Variants in FAT2 observed in about 807,000 individuals in gnomAD.
The protein encoded by FAT2 is protocadherin Fat 2.
FAT2 carries 150 observed loss-of-function variants against 295.3 expected under a neutral mutation model. The observed-to-expected ratio is 0.51, with a 90% CI of 0.44 to 0.58. The LOEUF (loss-of-function observed/expected upper bound fraction) is 0.58, where lower values mean the gene tolerates loss of function less well. FAT2 is among the 20% of genes least tolerant of loss of function. The pLI is 0.00. For missense variants in FAT2, 4,868 were observed against 5,442.7 expected, an observed-to-expected ratio of 0.89 and a Z score of 3.32; for synonymous variants, 2,026 against 2,150.3, an observed-to-expected ratio of 0.94 and a Z score of 1.60.
At chr5:151,571,685 C>T (rs1420017912) in intron 1 of FAT2, among the ~76,000 whole-genome samples, 1 of 152,240 alleles carries the variant, frequency 6.6e-6, no homozygotes, top group Non-Finnish European at 1.5e-5. Context: ...ACAGCTGTTT[C>T]CTGGCCCCAG....
At position 151,565,572 on chromosome 5, in the gene FAT2, G is replaced by T. The variant is rs1321737245; in HGVS notation, c.3259+101C>A. ...TATTTATTGCCTTTCATTTCAGCCT[G>T]CAGGCTGACTCCTTTTTCCTTCAGC... On this transcript the variant is annotated intron_variant, in intron 2 of 23. Transcript: ENST00000261800. 2.5e-6 allele frequency: 3 copies of T among 1,215,720 alleles called. No homozygotes were observed. The Admixed American group carries it at 9.2e-5, about 37-fold the overall frequency. 75.3% of individuals were successfully genotyped at this position (1,215,720 alleles called of 1,614,324 possible). A position where few individuals can be genotyped will look rare whatever the true frequency, so the allele number is the denominator to read the frequency against.
At chr5:151,526,217 C>T (rs1367079276) in intron 17 of FAT2, among the ~76,000 whole-genome samples, 1 of 152,106 alleles carries the variant, frequency 6.6e-6, no homozygotes, top group African/African-American at 2.4e-5. Flanking sequence ...CAGGAAGGAT[C>T]CTTAGAGAAC....
chr5:151,580,821 G>A (rs72798386), intron 1 of FAT2, among the ~76,000 whole-genome samples: 21 of 152,280 alleles, frequency 1.4e-4, no homozygotes, highest in Non-Finnish European at 2.8e-4. Flanking sequence ...TACATCTCCC[G>A]ATCTTTTATG....
At chr5:151,510,414 A>C in intron 21 of FAT2, 1 of 459,164 alleles carries the variant, frequency 2.2e-6, no homozygotes, top group South Asian at 2.7e-5. Flanking sequence ...GAACAGTAAT[A>C]AACAGGATAA....
At chr5:151,533,992 G>T (rs1046085349) in intron 13 of FAT2, among the ~76,000 whole-genome samples, 1 of 152,118 alleles carries the variant, frequency 6.6e-6, no homozygotes, top group African/African-American at 2.4e-5. Flanking sequence ...TCACTCTTCA[G>T]AAAATTGATC....
rs2127641497 is a variant in FAT2, at chr5:151,563,362, C to G, written c.3537G>C (p.Gly1179=). 6.2e-7 allele frequency: 1 copy of G among 1,614,156 alleles called. No individual in the cohort carries two copies. Among genetic ancestry groups the G allele is most frequent in the Non-Finnish European group, 8.5e-7 (1 of 1,180,002 alleles). ...KGKLTFNITS[G]NYMGFFMIHP... ...GAATCATAAAGAATCCCATGTAGTT[C>G]CCACTGGTGATGTTGAAGGTCAGCT... The change falls in exon 3 of 24, where the codon GGG becomes GGC. Residue 1179 remains glycine, a synonymous_variant. Coordinates refer to ENST00000261800, the MANE Select transcript of FAT2 (RefSeq NM_001447.3).
At chr5:151,548,355 CATT>C (rs1295185085) in intron 9 of FAT2, among the ~76,000 whole-genome samples, 8 of 151,792 alleles carry the variant, frequency 5.3e-5, no homozygotes, top group Non-Finnish European at 1.0e-4. Context: ...TACAAATTAT[CATT>C]AATAATTAGT....
At position 151,505,512 on chromosome 5, in the gene FAT2, T is replaced by TAAGC; in HGVS notation, c.*49_*52dup. On this transcript the variant is annotated 3_prime_UTR_variant, in exon 24 of 24. Coordinates refer to ENST00000261800, the MANE Select transcript of FAT2 (RefSeq NM_001447.3). ...TCACCCCCTACGAGACAGGAAGAAATAAGCCAAGTCCAGTCCTTGGCCTCC... is the reference window on the plus strand; with the variant it reads ...TCACCCCCTACGAGACAGGAAGAAATAAGCAAGCCAAGTCCAGTCCTTGGCCTCC... The TAAGC allele has an allele frequency of 1.9e-6, 3 of 1,603,516 alleles. No homozygotes were observed. Among genetic ancestry groups the TAAGC allele is most frequent in the Non-Finnish European group, 2.6e-6 (3 of 1,175,442 alleles).
Position 151,505,339 on chromosome 5 carries a change from CT to C in FAT2, c.*225del. On this transcript the variant is annotated 3_prime_UTR_variant, in exon 24 of 24. Coordinates refer to ENST00000261800, the MANE Select transcript of FAT2 (RefSeq NM_001447.3). ...CAGGGTCACTGCTCTAGAAATGCCC[CT>C]CTCCTGGGACCCTAGTGCTGTTTCT... 1 of 592,090 alleles carries C rather than the reference CT, an allele frequency of 1.7e-6. No homozygotes were observed. Among genetic ancestry groups the C allele is most frequent in the Non-Finnish European group, 2.9e-6 (1 of 340,942 alleles). 36.7% of individuals were successfully genotyped at this position (592,090 alleles called of 1,614,324 possible).
rs766743053 is a variant in FAT2, at chr5:151,507,297, G to A, written c.12374C>T (p.Pro4125Leu). 1 of 1,614,166 alleles carries A rather than the reference G, an allele frequency of 6.2e-7. No homozygotes were observed. Among genetic ancestry groups the A allele is most frequent in the Non-Finnish European group, 8.5e-7 (1 of 1,180,040 alleles). ...GGGTCCAAATGTGACGAGTTCATTTGGAACAGAGGCCTTGCTGGGTTCCGG... is the reference window on the plus strand; with the variant it reads ...GGGTCCAAATGTGACGAGTTCATTTAGAACAGAGGCCTTGCTGGGTTCCGG... ...NQPEPSKASV[P>L]NELVTFGPNS... Residue 4125 changes from proline to leucine, a missense_variant, in exon 23 of 24, where the codon CCA becomes CTA. Physicochemically the swap from Pro to Leu is moderately conservative, Grantham distance 98. Coordinates refer to ENST00000261800, the MANE Select transcript of FAT2 (RefSeq NM_001447.3).
chr5:151,523,056 T>C (rs1293301822), intron 18 of FAT2, among the ~76,000 whole-genome samples: 9 of 152,194 alleles, frequency 5.9e-5, no homozygotes, highest in Admixed American at 5.9e-4. Flanking sequence ...ATGTTATCAC[T>C]TCCTCAGCTG....
Position 151,545,625 on chromosome 5 carries a change from G to T in FAT2, c.5502C>A (p.Pro1834=). Residue 1834 remains proline (P), a synonymous_variant, in exon 10 of 24, where the codon CCC becomes CCA. Coordinates refer to ENST00000261800, the MANE Select transcript of FAT2 (RefSeq NM_001447.3). ...GGACATAGACACAGAATTGGAAAGA[G>T]GGCATGCTCTCATAATCCATCTCTG... ...IVSEMDYESM[P]SFQFCVYVHD... The T allele has an allele frequency of 1.2e-6, 2 of 1,614,174 alleles. No homozygotes were observed. Among genetic ancestry groups the T allele is most frequent in the Non-Finnish European group, 1.7e-6 (2 of 1,180,016 alleles).
intron 21 of FAT2, 179 bp from the exon 22 acceptor site, chr5:151,510,353 G>T (rs1051901362): frequency 3.8e-5 from 24 of 626,148 alleles, no homozygotes; most frequent in Non-Finnish European, 6.0e-5. Flanking sequence ...GAGCACTTTG[G>T]TCCCTGCCCT....
At chr5:151,555,750 G>A (rs1757636890) in intron 4 of FAT2, among the ~76,000 whole-genome samples, 1 of 152,204 alleles carries the variant, frequency 6.6e-6, no homozygotes, top group African/African-American at 2.4e-5. Flanking sequence ...TCCTGCTGAG[G>A]AATATGTATT....
chr5:151,583,997 C>CAA (rs35453556), intron 1 of FAT2, among the ~76,000 whole-genome samples: 1,265 of 46,078 alleles, frequency 0.027, 137 homozygotes, highest in African/African-American at 0.067. Context: ...GGCTCTGTCT[C>CAA]AAAAAAAAAA....
At position 151,568,482 on chromosome 5, in the gene FAT2, T is replaced by C; in HGVS notation, c.450A>G (p.Pro150=). ...CAGAGATGGTGACTCTGTACGAAGG[T>C]GGAGAGAAGAGAGGCTTCAGGTCAT... ...DQNDLKPLFS[P]PSYRVTISED... Residue 150 remains proline (P), a synonymous_variant, in exon 2 of 24, where the codon CCA becomes CCG. Coordinates refer to ENST00000261800, the MANE Select transcript of FAT2 (RefSeq NM_001447.3). 6.2e-7 allele frequency: 1 copy of C among 1,613,942 alleles called. No homozygotes were observed. Among genetic ancestry groups the C allele is most frequent in the Non-Finnish European group, 8.5e-7 (1 of 1,179,992 alleles).
At chr5:151,546,974 A>G (rs951362627) in intron 9 of FAT2, among the ~76,000 whole-genome samples, 3 of 152,216 alleles carry the variant, frequency 2.0e-5, no homozygotes, top group Non-Finnish European at 4.4e-5. Context: ...TGTATTTCCT[A>G]AACTCTAGGC....
chr5:151,570,732 A>G (rs1758489265), intron 1 of FAT2, among the ~76,000 whole-genome samples: 1 of 152,172 alleles, frequency 6.6e-6, no homozygotes, highest in Non-Finnish European at 1.5e-5. Context: ...GCATTCTTGG[A>G]TGAAACTGGC....
chr5:151,547,442 C>T (rs1244663712), intron 9 of FAT2, among the ~76,000 whole-genome samples: 2 of 152,182 alleles, frequency 1.3e-5, no homozygotes, highest in Non-Finnish European at 2.9e-5. Flanking sequence ...TTGCTCACCA[C>T]CACAGATACA....
Sources: gnomAD v4.1 joint callset for allele counts (sites outside exome capture counted in the v4.1 genomes callset) on GRCh38, gnomAD v4.1.1 for gene constraint, MANE v1.5 for transcripts, NCBI Gene and HGNC (gene_info 2026-07-23, HGNC 2026-07-21) for gene names.